Variants in PEAR1 observed in about 807,000 individuals in gnomAD.
PEAR1 encodes multiple EGF-like domains protein 12.
Under a neutral mutation model 131.2 loss-of-function variants are expected in PEAR1, and 113 were observed. The ratio of observed to expected loss-of-function variants is 0.86; its 90% CI spans 0.74 to 1.01. The LOEUF is 1.01. Among genes scored for constraint, PEAR1 ranks in the 50% least tolerant of loss-of-function variants. The pLI is 0.00. For missense variants in PEAR1, 1,408 were observed against 1,391.1 expected (o/e 1.01, Z -0.19); for synonymous variants, 565 against 523.3 (o/e 1.08, Z -1.09).
At chr1:156,914,503 A>G in intron 22 of PEAR1, 144 bp from the exon 23 acceptor site, 1 of 796,600 alleles carries the variant, frequency 1.3e-6, no homozygotes. Flanking sequence ...GCCAGCTGAT[A>G]GTAAACTGGT....
intron 13 of PEAR1, 63 bp downstream of exon 13, chr1:156,910,171 C>T (rs1318147615): frequency 6.2e-7 from 1 of 1,613,224 alleles, no homozygotes; most frequent in African/African-American, 1.3e-5. Context: ...GAAATGTGTC[C>T]AGAAGAGCCC....
At chr1:156,906,947 GA>G (rs1650400110) in intron 6 of PEAR1, 67 bp downstream of exon 6, 6 of 1,525,858 alleles carry the variant, frequency 3.9e-6, no homozygotes, top group Non-Finnish European at 4.4e-6. Context: ...TCTATGTGGG[GA>G]AATGAGGTGA....
At chr1:156,913,793 G>A (rs1344394879) in intron 21 of PEAR1, 33 bp downstream of exon 21, 1 of 1,612,316 alleles carries the variant, frequency 6.2e-7, no homozygotes, top group Non-Finnish European at 8.5e-7. Context: ...GGAGGTGGCT[G>A]AGCTGGGGCT....
At position 156,905,029 on chromosome 1, in the gene PEAR1, C is replaced by T. The variant is rs538369602; in HGVS notation, c.206+177C>T. 217 of 1,521,722 alleles carry T rather than the reference C, an allele frequency of 1.4e-4. No individual in the cohort carries two copies. The African/African-American group carries it at 1.5e-3, about 11-fold the overall frequency. 94.3% of individuals were successfully genotyped at this position (1,521,722 alleles called of 1,614,324 possible). The stretch of plus-strand genomic sequence containing the variant: ...TGTGTATGGGATGTATATGTGAATG[C>T]GTGTATGTGTGTTTAGGGTACGCAT... On this transcript the variant is annotated intron_variant, in intron 3 of 22. Coordinates refer to ENST00000292357, the MANE Select transcript of PEAR1 (RefSeq NM_001080471.3).
chr1:156,912,401 C>T (rs1288859613), intron 16 of PEAR1, 26 bp downstream of exon 16: 13 of 1,607,738 alleles, frequency 8.1e-6, no homozygotes, highest in Admixed American at 3.4e-5. Context: ...GAACTCCAGG[C>T]CCCTGCCTCC....
Position 156,908,819 on chromosome 1 carries a change from C to A in PEAR1, c.1280C>A (p.Pro427Gln). The A allele has an allele frequency of 6.6e-7, 1 of 1,506,236 alleles. No homozygotes were observed. The allele number at this position is 1,506,236 out of a possible 1,614,324, so 93.3% of individuals were successfully genotyped here. A position where few individuals can be genotyped will look rare whatever the true frequency, so the allele number is the denominator to read the frequency against. Residue 427 changes from proline to glutamine, a missense_variant, in exon 10 of 23, where the codon CCG becomes CAG. Pro to Gln is a moderately conservative substitution (Grantham distance 76, BLOSUM62 -1). Transcript: ENST00000292357. This position sits in a 1 kb window ranked among gnomAD's most constrained non-coding sequence, Gnocchi z 4.2. Reference protein sequence around the residue: ...QATSGLCQCAPGYTGPHCASL... With the variant: ...QATSGLCQCAQGYTGPHCASL... ...ACCAGCGGCCTCTGTCAGTGCGCGC[C>A]GGGTTACACGGTGAGGCGCGCCCGG...
rs555796264 is a variant in PEAR1 at position 156,902,946 on chromosome 1, T to C, written c.-9-972T>C. Among the ~76,000 whole-genome samples, 1 of 152,042 alleles carries C rather than the reference T, an allele frequency of 6.6e-6. No homozygotes were observed. The highest frequency in any genetic ancestry group is 1.5e-5 in the Non-Finnish European group (1 of 67,992). ...AGGGAGGCGGGAGCTTTTCCTTAAA[T>C]GCAAGGCCAGGTTGGTGACCTCTTC... On this transcript the variant is annotated intron_variant, in intron 1 of 22. Transcript: ENST00000292357. The surrounding 1 kb of genome is among the most constrained non-coding windows in gnomAD (Gnocchi z 4.3).
At chr1:156,900,370 G>A (rs1399513322) in intron 1 of PEAR1, among the ~76,000 whole-genome samples, 3 of 150,774 alleles carry the variant, frequency 2.0e-5, no homozygotes, top group Non-Finnish European at 2.9e-5. Context: ...CCCCATAAGA[G>A]AGACTTTTAA....
intron 1 of PEAR1, among the ~76,000 whole-genome samples, chr1:156,895,578 T>C (rs1459356232): frequency 6.6e-6 from 1 of 151,756 alleles, no homozygotes; most frequent in African/African-American, 2.4e-5. Flanking sequence ...AAGACAGAGA[T>C]AGAGACAGAT....
rs2101561707 is a variant in PEAR1, at chr1:156,914,950, G to T, written c.*152G>T. On this transcript the variant is annotated 3_prime_UTR_variant, in exon 23 of 23. Coordinates refer to ENST00000292357, the MANE Select transcript of PEAR1 (RefSeq NM_001080471.3). ...TAACAGAGCAAGTGATGGGAGCCTT[G>T]TTCCTGGGTTCTACCATGGGAGACG... 2 of 849,058 alleles carry T rather than the reference G, an allele frequency of 2.4e-6. No homozygotes were observed. 52.6% of individuals were successfully genotyped at this position (849,058 alleles called of 1,614,324 possible).
Position 156,904,905 on chromosome 1 carries a change from A to G in PEAR1, c.206+53A>G, listed in dbSNP as rs1650065987. 6.2e-6 allele frequency: 10 copies of G among 1,610,838 alleles called. No individual in the cohort carries two copies. The South Asian group carries it at 1.1e-4, about 18-fold the overall frequency. On this transcript the variant is annotated intron_variant, in intron 3 of 22. Transcript: ENST00000292357. ...GATGGGCTACCTGAGTCGCTGCCTC[A>G]GCCTGGCCCCTGGCCCTCTGTACCT... is the stretch of plus-strand genomic sequence containing the variant.
chr1:156,905,862 C>G lies in PEAR1; in HGVS notation c.308-414C>G, dbSNP rs751020958. 9.9e-5 allele frequency among the ~76,000 whole-genome samples: 15 copies of G among 152,120 alleles called. No homozygotes were observed. The East Asian group carries it at 1.3e-3, about 14-fold the overall frequency. On this transcript the variant is annotated intron_variant, in intron 4 of 22. Transcript: ENST00000292357. Reference sequence around the variant, plus strand: ...CAGTCTCTCCTGCCCACTGCACCCCCCTCCCAGCACCCTGTAATGACTGGA... The same window carrying G: ...CAGTCTCTCCTGCCCACTGCACCCCGCTCCCAGCACCCTGTAATGACTGGA...
At position 156,908,068 on chromosome 1, in the gene PEAR1, G is replaced by A. The variant is rs894893946; in HGVS notation, c.902+17G>A. On this transcript the variant is annotated intron_variant, in intron 8 of 22. Transcript: ENST00000292357. This position sits in a 1 kb window ranked among gnomAD's most constrained non-coding sequence, Gnocchi z 4.2. ...TGGGGATCGGTGAGTGGCGTGGGGC[G>A]GGCGGGAGACGGGAGGGAGGAGGTG... 4 of 1,570,444 alleles carry A rather than the reference G, an allele frequency of 2.5e-6. No individual in the cohort carries two copies. Among genetic ancestry groups the A allele is most frequent in the African/African-American group, 2.7e-5 (2 of 73,914 alleles).
chr1:156,910,459 C>G (rs933489257), intron 14 of PEAR1, 79 bp downstream of exon 14: 5 of 1,541,960 alleles, frequency 3.2e-6, no homozygotes, highest in African/African-American at 2.7e-5. Context: ...CCCCTCCCCC[C>G]GCGCCCGCCG....
At chr1:156,909,638 C>G (rs149979286) in intron 11 of PEAR1, 113 bp from the exon 12 acceptor site, 3 of 1,218,794 alleles carry the variant, frequency 2.5e-6, no homozygotes, top group African/African-American at 1.5e-5. Flanking sequence ...GCCGTGAACA[C>G]CCCCCACCCA....
chr1:156,909,070 G>T (rs1355491851), intron 11 of PEAR1, 34 bp downstream of exon 11: 4 of 1,612,308 alleles, frequency 2.5e-6, no homozygotes, highest in Non-Finnish European at 3.4e-6. Flanking sequence ...GAGAAGACTT[G>T]GGGGATGGCC....
intron 5 of PEAR1, 44 bp from the exon 6 acceptor site, chr1:156,906,593 G>A: frequency 6.2e-7 from 1 of 1,611,180 alleles, no homozygotes; most frequent in Non-Finnish European, 8.5e-7. Context: ...GCTGGGGATG[G>A]ACTAGACCCC....
chr1:156,900,987 A>G (rs1337045423), intron 1 of PEAR1, among the ~76,000 whole-genome samples: 1 of 152,076 alleles, frequency 6.6e-6, no homozygotes, highest in Non-Finnish European at 1.5e-5. Context: ...TTAGATGGGA[A>G]CTAGCCTGGA....
At position 156,907,967 on chromosome 1, in the gene PEAR1, C is replaced by T. The variant is rs1372549345; in HGVS notation, c.818C>T (p.Ser273Phe). The T allele has an allele frequency of 6.3e-7, 1 of 1,583,054 alleles. No individual in the cohort carries two copies. The highest frequency in any genetic ancestry group is 8.6e-7 in the Non-Finnish European group (1 of 1,163,608). The change falls in exon 8 of 23, where the codon TCC becomes TTC. Residue 273 changes from serine (S) to phenylalanine (F), a missense_variant. Transcript: ENST00000292357. Reference protein sequence around the residue: ...CPEGFHGPNCSQECRCHNGGL... With the variant: ...CPEGFHGPNCFQECRCHNGGL... Reference sequence around the variant, plus strand: ...GAGGGCTTTCACGGACCCAACTGCTCCCAGGAATGTCGCTGCCACAACGGC... The same window carrying T: ...GAGGGCTTTCACGGACCCAACTGCTTCCAGGAATGTCGCTGCCACAACGGC...
Sources: allele counts gnomAD v4.1 joint callset (sites outside exome capture counted in the v4.1 genomes callset), GRCh38; gene constraint gnomAD v4.1.1; non-coding constraint Gnocchi (gnomAD v3.1); transcripts MANE v1.5; gene names NCBI Gene and HGNC (gene_info 2026-07-23, HGNC 2026-07-21).